The following OPCML variants were observed in gnomAD, a reference collection of about 807,000 sequenced individuals.
The protein encoded by OPCML is opioid binding protein/cell adhesion molecule like, also known as opioid-binding protein/cell adhesion molecule.
Under a neutral mutation model 37.8 loss-of-function variants are expected in OPCML, and 13 were observed. The observed-to-expected ratio is 0.34, with a 90% confidence interval of 0.22 to 0.55. OPCML has a LOEUF of 0.55. Among genes scored for constraint, OPCML ranks in the 20% least tolerant of loss-of-function variants. OPCML has a pLI of 0.91. For synonymous variants in OPCML, 176 were observed against 168.8 expected (o/e 1.04, Z -0.33); for missense variants, 341 against 435.6 (o/e 0.78, Z 1.93).
intron 1 of OPCML, among the ~76,000 whole-genome samples, chr11:132,945,814 GCT>G (rs1555058391): frequency 1.3e-5 from 2 of 151,952 alleles, no homozygotes; most frequent in Non-Finnish European, 2.9e-5. Flanking sequence ...ACGGAGTCTC[GCT>G]CTGTCACCCA....
At chr11:133,003,909 C>T (rs999568086) in intron 1 of OPCML, 18 of 985,310 alleles carry the variant, frequency 1.8e-5, no homozygotes, top group Non-Finnish European at 1.9e-5. Context: ...CCGCCAATCC[C>T]GGTGGGGCTT....
intron 1 of OPCML, among the ~76,000 whole-genome samples, chr11:133,435,241 T>C (rs903248179): frequency 2.6e-5 from 4 of 152,188 alleles, no homozygotes; most frequent in Non-Finnish European, 5.9e-5. Context: ...GGTCTCAGGG[T>C]ATATCGCTTG....
intron 1 of OPCML, among the ~76,000 whole-genome samples, chr11:133,333,239 A>C (rs1487644324): frequency 6.6e-6 from 1 of 152,110 alleles, no homozygotes; most frequent in Admixed American, 6.6e-5. Flanking sequence ...TTGTATTTTT[A>C]GTAGAGACTG....
intron 2 of OPCML, among the ~76,000 whole-genome samples, chr11:132,830,037 G>A (rs1940593452): frequency 6.6e-6 from 1 of 152,146 alleles, no homozygotes; most frequent in African/African-American, 2.4e-5. Context: ...GGACTTGTCA[G>A]CGTGTATGGC....
chr11:133,479,349 C>T (rs1947324169), intron 1 of OPCML, among the ~76,000 whole-genome samples: 2 of 152,160 alleles, frequency 1.3e-5, no homozygotes, highest in Admixed American at 1.3e-4. Flanking sequence ...AGTCCCAGTG[C>T]ACATCAGCAT....
chr11:133,519,581 C>T (rs561734513), intron 1 of OPCML, among the ~76,000 whole-genome samples: 14 of 152,098 alleles, frequency 9.2e-5, no homozygotes, highest in Non-Finnish European at 1.9e-4. Context: ...GGAAAAAAAG[C>T]TATAATGCAT....
intron 2 of OPCML, among the ~76,000 whole-genome samples, chr11:132,855,509 A>G (rs1942019606): frequency 6.6e-6 from 1 of 152,232 alleles, no homozygotes; most frequent in South Asian, 2.1e-4. Flanking sequence ...GCAGGCATGA[A>G]GACCACTCTG....
intron 3 of OPCML, among the ~76,000 whole-genome samples, chr11:132,646,900 A>G (rs577666976): frequency 6.6e-6 from 1 of 152,340 alleles, no homozygotes; most frequent in South Asian, 2.1e-4. Context: ...TTAGGAGCCA[A>G]TGATATAGAG....
chr11:132,855,367 A>C (rs1942014313), intron 2 of OPCML, among the ~76,000 whole-genome samples: 1 of 152,182 alleles, frequency 6.6e-6, no homozygotes, highest in Non-Finnish European at 1.5e-5. Context: ...TAAAAGCCTT[A>C]GTCTCTGCAT....
At chr11:133,350,302 T>G (rs901055069) in intron 1 of OPCML, among the ~76,000 whole-genome samples, 55 of 152,324 alleles carry the variant, frequency 3.6e-4, no homozygotes, top group African/African-American at 1.3e-3. Context: ...GACAGGTCTA[T>G]AGTTTAGGGT....
At position 132,961,691 on chromosome 11, in the gene OPCML, G is replaced by A. The variant is rs1016341720; in HGVS notation, c.62-18681C>T. 9.8e-5 allele frequency among the ~76,000 whole-genome samples: 15 copies of A among 152,308 alleles called. No individual in the cohort carries two copies. In the East Asian group the frequency reaches 1.5e-3, roughly 16 times the overall value. ...TGGCCTTTGGTTTCCTCATCTGTAC[G>A]ATGAGCCCCTTTGACTGATGATTTG... On this transcript the variant is annotated intron_variant, in intron 1 of 7. Coordinates refer to ENST00000524381, the MANE Select transcript of OPCML (RefSeq NM_001012393.5).
At chr11:133,226,032 C>G (rs1365329145) in intron 1 of OPCML, among the ~76,000 whole-genome samples, 1 of 152,226 alleles carries the variant, frequency 6.6e-6, no homozygotes, top group Non-Finnish European at 1.5e-5. Context: ...GTTACCTGCA[C>G]CAGTTGGCAC....
chr11:133,156,660 A>G (rs1357515331), intron 1 of OPCML, among the ~76,000 whole-genome samples: 1 of 152,236 alleles, frequency 6.6e-6, no homozygotes, highest in East Asian at 1.9e-4. Context: ...ACAATTTACC[A>G]CAAGGCTACC....
intron 2 of OPCML, among the ~76,000 whole-genome samples, chr11:132,883,199 G>A (rs890087453): frequency 6.6e-6 from 1 of 151,902 alleles, no homozygotes; most frequent in African/African-American, 2.4e-5. Context: ...GCCATGAGAA[G>A]GCAGCAGTAA....
chr11:133,467,249 G>A (rs1946997588), intron 1 of OPCML, among the ~76,000 whole-genome samples: 2 of 152,102 alleles, frequency 1.3e-5, no homozygotes, highest in African/African-American at 4.8e-5. Flanking sequence ...TTTCATCCCT[G>A]CTCTTCTCTT....
intron 1 of OPCML, among the ~76,000 whole-genome samples, chr11:133,275,937 T>C (rs1465516956): frequency 1.3e-5 from 2 of 152,178 alleles, no homozygotes; most frequent in Non-Finnish European, 2.9e-5. Flanking sequence ...AATGACTGAA[T>C]GTATTCATTC....
At chr11:132,740,710 T>G (rs1945408502) in intron 2 of OPCML, among the ~76,000 whole-genome samples, 1 of 152,200 alleles carries the variant, frequency 6.6e-6, no homozygotes, top group Admixed American at 6.5e-5. Context: ...TATCATTGAA[T>G]TTTTAAGAAA....
chr11:132,701,892 T>C (rs547704674), intron 2 of OPCML, among the ~76,000 whole-genome samples: 36 of 152,166 alleles, frequency 2.4e-4, no homozygotes, highest in African/African-American at 8.7e-4. Flanking sequence ...CAAAACATCT[T>C]GTAGTTATAA....
At chr11:132,694,258 G>A (rs1408784772) in intron 2 of OPCML, among the ~76,000 whole-genome samples, 1 of 136,868 alleles carries the variant, frequency 7.3e-6, no homozygotes, top group East Asian at 2.2e-4. Context: ...GAGTGCAGTG[G>A]CGCGATCTTG....
Sources: allele counts gnomAD v4.1 joint callset (sites outside exome capture counted in the v4.1 genomes callset), GRCh38; gene constraint gnomAD v4.1.1; transcripts MANE v1.5; gene names NCBI Gene and HGNC (gene_info 2026-07-23, HGNC 2026-07-21).